YEATS2: variants seen among roughly 807,000 people sequenced by gnomAD.
YEATS2 encodes YEATS domain containing 2.
A neutral mutation model predicts 163.2 loss-of-function variants in YEATS2; 77 were observed. The observed-to-expected ratio is 0.47, with a 90% CI of 0.39 to 0.57. The LOEUF (loss-of-function observed/expected upper bound fraction) is 0.57, where lower values mean the gene tolerates loss of function less well. YEATS2 is among the 20% of genes least tolerant of loss of function. The pLI, the probability that YEATS2 is intolerant of heterozygous loss-of-function variation, is 0.00. For synonymous variants in YEATS2, 631 were observed against 645.1 expected (o/e 0.98, Z 0.33); for missense variants, 1,549 against 1,729.8 (o/e 0.90, Z 1.85).
chr3:183,791,126 C>A, intron 21 of YEATS2, 146 bp downstream of exon 21: 1 of 1,109,182 alleles, frequency 9.0e-7, no homozygotes, highest in Non-Finnish European at 1.3e-6. Context: ...CTCTGCCTTC[C>A]AGGCTCAAGC....
chr3:183,740,670 G>A (rs1718857029), intron 8 of YEATS2, among the ~76,000 whole-genome samples: 1 of 152,232 alleles, frequency 6.6e-6, no homozygotes, highest in African/African-American at 2.4e-5. Flanking sequence ...GGTTCGTGAG[G>A]TTTAAGGAAG....
At chr3:183,790,509 T>C (rs1724518824) in intron 20 of YEATS2, among the ~76,000 whole-genome samples, 1 of 152,190 alleles carries the variant, frequency 6.6e-6, no homozygotes, top group African/African-American at 2.4e-5. Flanking sequence ...GGTGATGAAG[T>C]TGCCTTTTAT....
At chr3:183,712,161 G>A (rs1055028631) in intron 1 of YEATS2, among the ~76,000 whole-genome samples, 12 of 137,406 alleles carry the variant, frequency 8.7e-5, no homozygotes, top group Non-Finnish European at 1.3e-4. Context: ...TACAAAATGA[G>A]TATTTTTGAG....
At chr3:183,710,295 A>G (rs1159412720) in intron 1 of YEATS2, among the ~76,000 whole-genome samples, 1 of 152,164 alleles carries the variant, frequency 6.6e-6, no homozygotes, top group East Asian at 1.9e-4. Context: ...CCAGAAGGTA[A>G]TGTTATCATT....
intron 26 of YEATS2, 142 bp from the exon 27 acceptor site, chr3:183,803,845 G>T: frequency 1.3e-6 from 1 of 788,456 alleles, no homozygotes; most frequent in Non-Finnish European, 2.0e-6. Context: ...TTTTAATGGG[G>T]AGTAACACAA....
At chr3:183,781,900 C>T (rs1166275441) in intron 19 of YEATS2, among the ~76,000 whole-genome samples, 1 of 149,722 alleles carries the variant, frequency 6.7e-6, no homozygotes, top group African/African-American at 2.5e-5. Flanking sequence ...AACACCCTGT[C>T]TTAAAAAAAA....
intron 15 of YEATS2, among the ~76,000 whole-genome samples, chr3:183,771,206 C>T (rs1257099138): frequency 6.6e-6 from 1 of 152,138 alleles, no homozygotes. Flanking sequence ...AACTCTTTTT[C>T]CCCCAATCTG....
At chr3:183,758,720 A>G (rs1577127669) in intron 12 of YEATS2, 142 bp from the exon 13 acceptor site, 1 of 656,736 alleles carries the variant, frequency 1.5e-6, no homozygotes, top group Non-Finnish European at 2.6e-6. Flanking sequence ...TTTCCATACT[A>G]GTTTCAGCCT....
rs151227193 is a variant in YEATS2 at position 183,741,043 on chromosome 3, A to G, written c.924+4214A>G. ...AACCTTTGTATCCTGGGTTCAAGCA[A>G]TCCTCCCACCTCAGCCTCCCAAGTA... On this transcript the variant is annotated intron_variant, in intron 8 of 30. Coordinates refer to ENST00000305135, the MANE Select transcript of YEATS2 (RefSeq NM_018023.5). Among the ~76,000 whole-genome samples, 82 of 152,146 alleles carry G rather than the reference A, an allele frequency of 5.4e-4. 1 individual carries two copies. The highest frequency in any genetic ancestry group is 2.0e-3 in the African/African-American group (81 of 41,522).
chr3:183,739,049 T>C (rs1382113054), intron 8 of YEATS2, among the ~76,000 whole-genome samples: 1 of 147,494 alleles, frequency 6.8e-6, no homozygotes. Flanking sequence ...TTTCTCCACA[T>C]CCTCTCCAGC....
chr3:183,738,546 T>A (rs1215341297), intron 8 of YEATS2, among the ~76,000 whole-genome samples: 1 of 81,348 alleles, frequency 1.2e-5, no homozygotes, highest in African/African-American at 5.4e-5. Flanking sequence ...ATGCTATCCC[T>A]CCCCCCTCCC....
chr3:183,810,301 C>T, intron 30 of YEATS2, 174 bp from the exon 31 acceptor site: 1 of 574,552 alleles, frequency 1.7e-6, no homozygotes, highest in Non-Finnish European at 3.2e-6. Context: ...CTTCTCATGC[C>T]TATGACAGGA....
intron 11 of YEATS2, among the ~76,000 whole-genome samples, chr3:183,755,859 G>A (rs1414245926): frequency 1.4e-5 from 2 of 144,394 alleles, no homozygotes; most frequent in African/African-American, 5.2e-5. Context: ...CGATTCTCCT[G>A]CCTCAGCCTC....
intron 27 of YEATS2, 164 bp from the exon 28 acceptor site, chr3:183,806,702 A>G: frequency 1.5e-6 from 1 of 670,788 alleles, no homozygotes; most frequent in East Asian, 2.7e-5. Context: ...TCCCTCGTGA[A>G]TTACTAGTTC....
At chr3:183,761,977 T>G in intron 14 of YEATS2, 120 bp from the exon 15 acceptor site, 1 of 1,334,082 alleles carries the variant, frequency 7.5e-7, no homozygotes, top group Non-Finnish European at 1.1e-6. Flanking sequence ...GAGTCATTCT[T>G]TACGTATCAA....
chr3:183,776,091 T>C lies in YEATS2; in HGVS notation c.2545T>C (p.Tyr849His). Residue 849 changes from tyrosine (Y) to histidine (H), a missense_variant, in exon 18 of 31, where the codon TAC becomes CAC. Coordinates refer to ENST00000305135, the MANE Select transcript of YEATS2 (RefSeq NM_018023.5). ...GPGGISQHLT[Y>H]TSYILKQTPQ... ...TGGAGGGATATCTCAGCACCTGACT[T>C]ACACATCTTACATCCTCAAGCAAAC... is the stretch of plus-strand genomic sequence containing the variant. 1.2e-6 allele frequency: 2 copies of C among 1,600,028 alleles called. No homozygotes were observed. Among genetic ancestry groups the C allele is most frequent in the South Asian group, 1.1e-5 (1 of 88,172 alleles).
intron 1 of YEATS2, among the ~76,000 whole-genome samples, chr3:183,713,734 T>G (rs1315490918): frequency 6.6e-6 from 1 of 152,252 alleles, no homozygotes. Flanking sequence ...CACTGTCCAA[T>G]AAACTCGTGC....
intron 8 of YEATS2, among the ~76,000 whole-genome samples, chr3:183,737,293 A>T (rs560945291): frequency 3.9e-5 from 6 of 152,130 alleles, no homozygotes; most frequent in African/African-American, 1.4e-4. Context: ...CCCATGTTCA[A>T]AGGTCAGCTG....
At chr3:183,775,869 T>C (rs751797497) in intron 17 of YEATS2, 46 bp from the exon 18 acceptor site, 16 of 1,609,592 alleles carry the variant, frequency 9.9e-6, no homozygotes, top group Non-Finnish European at 1.3e-5. Flanking sequence ...GCTAAAGCTT[T>C]GCTTGATACT....
Sources: gnomAD v4.1 joint callset for allele counts (sites outside exome capture counted in the v4.1 genomes callset) on GRCh38, gnomAD v4.1.1 for gene constraint, MANE v1.5 for transcripts, NCBI Gene and HGNC (gene_info 2026-07-23, HGNC 2026-07-21) for gene names.